ROBO1: variants seen among roughly 807,000 people sequenced by gnomAD.
ROBO1 encodes roundabout homolog 1.
A neutral mutation model predicts 195.9 loss-of-function variants in ROBO1; 149 were observed. The observed-to-expected ratio is 0.76, with a 90% CI of 0.67 to 0.87. ROBO1 has a LOEUF of 0.87. Ranked by LOEUF, ROBO1 falls within the 40% of genes least tolerant of loss-of-function variation. The pLI is 0.00. For missense variants in ROBO1, 1,933 were observed against 2,068.3 expected, an observed-to-expected ratio of 0.93 and a Z score of 1.27; for synonymous variants, 816 against 733.2, an observed-to-expected ratio of 1.11 and a Z score of -1.82.
At chr3:78,778,412 C>T (rs1389053441) in intron 4 of ROBO1, among the ~76,000 whole-genome samples, 2 of 152,048 alleles carry the variant, frequency 1.3e-5, no homozygotes, top group African/African-American at 4.8e-5. Flanking sequence ...GGGAATGGTA[C>T]CAGCTCCTCT....
At chr3:79,106,838 G>C (rs903319443) in intron 3 of ROBO1, among the ~76,000 whole-genome samples, 3 of 151,652 alleles carry the variant, frequency 2.0e-5, no homozygotes, top group Non-Finnish European at 4.4e-5. Context: ...ACAGGAAAGT[G>C]AAAGTTGTTA....
chr3:78,802,214 T>G (rs1355155245), intron 4 of ROBO1, among the ~76,000 whole-genome samples: 3 of 152,166 alleles, frequency 2.0e-5, no homozygotes. Context: ...AGATAACTCC[T>G]CTAGCTAATT....
intron 4 of ROBO1, among the ~76,000 whole-genome samples, chr3:78,869,716 CCTT>C (rs1300361225): frequency 6.6e-6 from 1 of 152,108 alleles, no homozygotes; most frequent in African/African-American, 2.4e-5. Flanking sequence ...GCCTCAGCCT[CCTT>C]AAGTGCTGGG....
At chr3:79,325,054 C>T (rs957603032) in intron 2 of ROBO1, among the ~76,000 whole-genome samples, 15 of 152,216 alleles carry the variant, frequency 9.9e-5, no homozygotes, top group South Asian at 2.1e-4. Context: ...TCTCCGATTA[C>T]GTGGATTATC....
At chr3:78,969,826 A>C (rs2076723911) in intron 3 of ROBO1, among the ~76,000 whole-genome samples, 2 of 152,242 alleles carry the variant, frequency 1.3e-5, no homozygotes, top group Admixed American at 1.3e-4. Flanking sequence ...CAAACTAAAA[A>C]TAAACAATAA....
At chr3:79,431,399 G>C (rs940988407) in intron 2 of ROBO1, among the ~76,000 whole-genome samples, 10 of 152,134 alleles carry the variant, frequency 6.6e-5, no homozygotes, top group African/African-American at 1.9e-4. Flanking sequence ...CAAGTTTCTT[G>C]GCTGCAGTCC....
intron 2 of ROBO1, among the ~76,000 whole-genome samples, chr3:79,475,103 T>C (rs547339501): frequency 6.6e-6 from 1 of 152,054 alleles, no homozygotes; most frequent in African/African-American, 2.4e-5. Context: ...AATTAATAGA[T>C]ACTCCAAAGG....
At chr3:78,804,299 CT>C (rs1483719642) in intron 4 of ROBO1, among the ~76,000 whole-genome samples, 1 of 152,010 alleles carries the variant, frequency 6.6e-6, no homozygotes. Flanking sequence ...TTATGAAATG[CT>C]CTGATTTTTT....
chr3:79,493,915 T>G (rs2107464236), intron 2 of ROBO1, among the ~76,000 whole-genome samples: 1 of 152,302 alleles, frequency 6.6e-6, no homozygotes, highest in Non-Finnish European at 1.5e-5. Flanking sequence ...ATAGTTACCC[T>G]GCTGTACTAT....
intron 2 of ROBO1, among the ~76,000 whole-genome samples, chr3:79,255,173 A>G (rs76956187): frequency 0.095 from 14,486 of 152,070 alleles, 1,373 homozygotes; most frequent in African/African-American, 0.24. Flanking sequence ...GCAGCATAGC[A>G]AGACCCTGTC....
chr3:79,748,485 C>T (rs1703970961), intron 1 of ROBO1, among the ~76,000 whole-genome samples: 1 of 151,892 alleles, frequency 6.6e-6, no homozygotes, highest in Admixed American at 6.6e-5. Flanking sequence ...GTGTTTAAAC[C>T]TAATTAGTTT....
In ROBO1 at chr3:78,651,798, T is replaced by C; in HGVS notation, c.2746A>G (p.Ile916Val). The change falls in exon 19 of 31, where the codon ATC becomes GTC. Residue 916 changes from isoleucine (I) to valine (V), a missense_variant. By Grantham distance (29) the Ile-to-Val change is conservative (BLOSUM62 3). Transcript: ENST00000464233. Reference sequence around the variant, plus strand: ...TTCTTGCGGTGTCGATAAAGCCAGATGCTGAAGACCATGAGGATGATCCAA... The same window carrying C: ...TTCTTGCGGTGTCGATAAAGCCAGACGCTGAAGACCATGAGGATGATCCAA... ...ACWIILMVFS[I>V]WLYRHRKKRN... 1.2e-6 allele frequency: 2 copies of C among 1,613,748 alleles called. No individual in the cohort carries two copies. The highest frequency in any genetic ancestry group is 4.5e-5 in the East Asian group (2 of 44,858).
intron 3 of ROBO1, among the ~76,000 whole-genome samples, chr3:79,119,007 A>G (rs1313489280): frequency 6.6e-6 from 1 of 152,146 alleles, no homozygotes; most frequent in African/African-American, 2.4e-5. Flanking sequence ...CCCACTATAA[A>G]AACTCAAAAT....
intron 2 of ROBO1, among the ~76,000 whole-genome samples, chr3:79,138,831 T>C (rs1181176900): frequency 1.3e-5 from 2 of 151,916 alleles, no homozygotes; most frequent in East Asian, 3.9e-4. Context: ...TATATAGATA[T>C]AGACATAAAT....
At chr3:78,894,513 A>G (rs1576359395) in intron 4 of ROBO1, among the ~76,000 whole-genome samples, 1 of 152,204 alleles carries the variant, frequency 6.6e-6, no homozygotes, top group African/African-American at 2.4e-5. Flanking sequence ...TTTAAAACAG[A>G]AAATGTGTTT....
intron 10 of ROBO1, among the ~76,000 whole-genome samples, chr3:78,671,216 A>C (rs1708046980): frequency 6.6e-6 from 1 of 152,154 alleles, no homozygotes; most frequent in African/African-American, 2.4e-5. Context: ...AACATAGAAC[A>C]ACTGTGTTGG....
At position 78,938,809 on chromosome 3, in the gene ROBO1, G is replaced by A; in HGVS notation, c.291C>T (p.Pro97=). 1 of 1,614,010 alleles carries A rather than the reference G, an allele frequency of 6.2e-7. No homozygotes were observed. The highest frequency in any genetic ancestry group is 8.5e-7 in the Non-Finnish European group (1 of 1,179,896). ...LNCKAEGRPT[P]TIEWYKGGER... is the part of the protein sequence containing the mutation. ...CTCCCCCTTTGTACCATTCAATAGT[G>A]GGTGTGGGGCGGCCTTCAGCTTTGC... The change falls in exon 4 of 31, where the codon CCC becomes CCT. Residue 97 remains proline (P), a synonymous_variant. Coordinates refer to ENST00000464233, the MANE Select transcript of ROBO1 (RefSeq NM_002941.4).
At chr3:78,745,663 G>T (rs2082640685) in intron 5 of ROBO1, among the ~76,000 whole-genome samples, 1 of 152,106 alleles carries the variant, frequency 6.6e-6, no homozygotes, top group South Asian at 2.1e-4. Flanking sequence ...CCTCTTATGA[G>T]CAGAACCATG....
chr3:79,373,907 G>A (rs984820996), intron 2 of ROBO1, among the ~76,000 whole-genome samples: 1 of 152,100 alleles, frequency 6.6e-6, no homozygotes, highest in Non-Finnish European at 1.5e-5. Flanking sequence ...GCTGATTACT[G>A]TTATCCATTT....
Sources: allele counts gnomAD v4.1 joint callset (sites outside exome capture counted in the v4.1 genomes callset), GRCh38; gene constraint gnomAD v4.1.1; transcripts MANE v1.5; gene names NCBI Gene and HGNC (gene_info 2026-07-23, HGNC 2026-07-21).